The following CACNA1D variants were observed in gnomAD, a reference collection of about 807,000 sequenced individuals.
The protein encoded by CACNA1D is voltage-dependent L-type calcium channel subunit alpha-1D.
Under a neutral mutation model 257.1 loss-of-function variants are expected in CACNA1D, and 55 were observed. The ratio of observed to expected loss-of-function variants is 0.21; its 90% CI spans 0.17 to 0.27. The LOEUF (loss-of-function observed/expected upper bound fraction) is 0.27, where lower values mean the gene tolerates loss of function less well. CACNA1D is among the 10% of genes least tolerant of loss of function. The pLI is 1.00. For synonymous variants in CACNA1D, 980 were observed against 1,014.9 expected, an observed-to-expected ratio of 0.97 and a Z score of 0.65; for missense variants, 1,876 against 2,784.0, an observed-to-expected ratio of 0.67 and a Z score of 7.34.
At chr3:53,542,719 C>T (rs2092325001) in intron 3 of CACNA1D, among the ~76,000 whole-genome samples, 2 of 152,258 alleles carry the variant, frequency 1.3e-5, no homozygotes, top group South Asian at 4.1e-4. Context: ...TTGTGATTCC[C>T]TTCTCCACTA....
chr3:53,501,777 A>G, intron 3 of CACNA1D, 57 bp downstream of exon 3: 1 of 987,238 alleles, frequency 1.0e-6, no homozygotes, highest in East Asian at 2.4e-5. Flanking sequence ...TTGCTTCTAT[A>G]CTTAAACTGG....
intron 29 of CACNA1D, among the ~76,000 whole-genome samples, chr3:53,761,159 A>G (rs1559640331): frequency 6.6e-6 from 1 of 152,188 alleles, no homozygotes; most frequent in South Asian, 2.1e-4. Context: ...CTATTTTCGA[A>G]GGATGGGAAG....
At chr3:53,600,303 G>C (rs1198397598) in intron 3 of CACNA1D, among the ~76,000 whole-genome samples, 1 of 152,204 alleles carries the variant, frequency 6.6e-6, no homozygotes, top group Non-Finnish European at 1.5e-5. Flanking sequence ...AGTATTTGCT[G>C]AATCTGTTTC....
At chr3:53,542,237 T>C (rs1197143580) in intron 3 of CACNA1D, among the ~76,000 whole-genome samples, 5 of 151,952 alleles carry the variant, frequency 3.3e-5, no homozygotes, top group Non-Finnish European at 5.9e-5. Context: ...CTCAGTGAAG[T>C]TTTCCCTGTA....
intron 3 of CACNA1D, among the ~76,000 whole-genome samples, chr3:53,557,916 G>T (rs2092675456): frequency 6.6e-6 from 1 of 152,152 alleles, no homozygotes; most frequent in Non-Finnish European, 1.5e-5. Context: ...GATTTTGATT[G>T]CACTGAATCT....
rs773517778 is a variant in CACNA1D, at chr3:53,732,099, C to T, written c.2473+17C>T. Reference sequence around the variant, plus strand: ...ATGTGCCAGGTATGGTGGCGGAGGCCGGAGACGCTGGCTTTGCTGTGTGTC... The same window carrying T: ...ATGTGCCAGGTATGGTGGCGGAGGCTGGAGACGCTGGCTTTGCTGTGTGTC... On this transcript the variant is annotated intron_variant, in intron 18 of 47. Coordinates refer to ENST00000350061, the MANE Select transcript of CACNA1D (RefSeq NM_001128840.3). 21 of 1,597,010 alleles carry T rather than the reference C, an allele frequency of 1.3e-5. No individual in the cohort carries two copies. The highest frequency in any genetic ancestry group is 5.5e-5 in the South Asian group (5 of 90,740).
At chr3:53,684,162 A>G (rs2094454915) in intron 8 of CACNA1D, among the ~76,000 whole-genome samples, 1 of 152,244 alleles carries the variant, frequency 6.6e-6, no homozygotes, top group South Asian at 2.1e-4. Flanking sequence ...ACGATTCTGT[A>G]TGAAGCAAGA....
intron 3 of CACNA1D, among the ~76,000 whole-genome samples, chr3:53,648,216 TA>T (rs547527466): frequency 5.3e-5 from 8 of 152,084 alleles, no homozygotes; most frequent in African/African-American, 1.7e-4. Flanking sequence ...GCCTAGTAAA[TA>T]AAGCAGCAAG....
rs77384627 is a variant in CACNA1D at position 53,810,779 on chromosome 3, A to C, written c.6193-334A>C. Among the ~76,000 whole-genome samples, 390 of 119,400 alleles carry C rather than the reference A, an allele frequency of 3.3e-3. 11 individuals are homozygous for C. Among genetic ancestry groups the C allele is most frequent in the African/African-American group, 0.01 (362 of 34,956 alleles). 78.3% of individuals were successfully genotyped at this position (119,400 alleles called of 152,430 possible). On this transcript the variant is annotated intron_variant, in intron 47 of 47. Coordinates refer to ENST00000350061, the MANE Select transcript of CACNA1D (RefSeq NM_001128840.3). Reference sequence around the variant, plus strand: ...GTCTCAAAAAAAAAAAAAAAAAAAAAAAAAAAACAAAAACTGGTCACCACC... The same window carrying C: ...GTCTCAAAAAAAAAAAAAAAAAAAACAAAAAAACAAAAACTGGTCACCACC...
chr3:53,526,776 A>G (rs2091780516), intron 3 of CACNA1D, among the ~76,000 whole-genome samples: 1 of 152,180 alleles, frequency 6.6e-6, no homozygotes, highest in African/African-American at 2.4e-5. Flanking sequence ...GTATCCCCTC[A>G]GAGTTGCTAT....
intron 4 of CACNA1D, among the ~76,000 whole-genome samples, chr3:53,655,995 A>G (rs754056297): frequency 6.6e-6 from 1 of 152,170 alleles, no homozygotes; most frequent in Non-Finnish European, 1.5e-5. Context: ...TCTTGTGCAT[A>G]TGGCTTGCCA....
In CACNA1D at chr3:53,595,912, G is replaced by T. The variant is rs115833585; in HGVS notation, c.484-54867G>T. On this transcript the variant is annotated intron_variant, in intron 3 of 47. Coordinates refer to ENST00000350061, the MANE Select transcript of CACNA1D (RefSeq NM_001128840.3). ...AGGGCAGGAGGGAATGCTGGGGTGT[G>T]TATAGCAAAATGTGTTATTAAATTA... Among the ~76,000 whole-genome samples, 441 of 152,234 alleles carry T rather than the reference G, an allele frequency of 2.9e-3. 5 individuals are homozygous for T. Among genetic ancestry groups the T allele is most frequent in the African/African-American group, 1.0e-2 (415 of 41,542 alleles).
In CACNA1D at chr3:53,735,669, G is replaced by T. The variant is rs115532377; in HGVS notation, c.2751+166G>T. Among the ~76,000 whole-genome samples the T allele has an allele frequency of 5.4e-3, 817 of 152,342 alleles. 7 individuals carry two copies. Among genetic ancestry groups the T allele is most frequent in the African/African-American group, 0.018 (742 of 41,576 alleles). The stretch of plus-strand genomic sequence containing the variant: ...CCGGTTTGTAAGTGCCAGAGAGCTT[G>T]TGTTTTAGCTGGGTAAATCTGAATG... On this transcript the variant is annotated intron_variant, in intron 20 of 47. Transcript: ENST00000350061.
chr3:53,559,019 A>G (rs897271224), intron 3 of CACNA1D, among the ~76,000 whole-genome samples: 3 of 152,022 alleles, frequency 2.0e-5, no homozygotes, highest in African/African-American at 7.2e-5. Context: ...TTTTCTTTTT[A>G]GTATTTTCTT....
intron 9 of CACNA1D, among the ~76,000 whole-genome samples, chr3:53,716,873 G>C (rs549805860): frequency 7.2e-5 from 11 of 152,282 alleles, no homozygotes; most frequent in Middle Eastern, 6.8e-3. Flanking sequence ...AGACCACTGG[G>C]TTCCTTGAGC....
intron 3 of CACNA1D, among the ~76,000 whole-genome samples, chr3:53,573,123 G>T (rs2092976750): frequency 6.6e-6 from 1 of 152,142 alleles, no homozygotes; most frequent in Non-Finnish European, 1.5e-5. Context: ...GGCCTTCATG[G>T]ATTCCTCCAT....
At chr3:53,803,294 T>C in intron 43 of CACNA1D, 129 bp from the exon 44 acceptor site, 1 of 954,998 alleles carries the variant, frequency 1.0e-6, no homozygotes, top group Non-Finnish European at 1.7e-6. Flanking sequence ...CAGTGCTGCC[T>C]GAGGCAGGTG....
At chr3:53,565,983 T>C (rs2092827627) in intron 3 of CACNA1D, among the ~76,000 whole-genome samples, 1 of 152,198 alleles carries the variant, frequency 6.6e-6, no homozygotes, top group Admixed American at 6.5e-5. Context: ...CCTTTCTCTG[T>C]AGAAAGTATT....
chr3:53,554,057 G>T (rs751141137), intron 3 of CACNA1D, among the ~76,000 whole-genome samples: 1 of 151,856 alleles, frequency 6.6e-6, no homozygotes, highest in Non-Finnish European at 1.5e-5. Flanking sequence ...TTAGCTGGGC[G>T]TGGTGGTGGG....
Sources: gnomAD v4.1 joint callset for allele counts (sites outside exome capture counted in the v4.1 genomes callset) on GRCh38, gnomAD v4.1.1 for gene constraint, MANE v1.5 for transcripts, NCBI Gene and HGNC (gene_info 2026-07-23, HGNC 2026-07-21) for gene names.